The following ZNF207 variants were observed in gnomAD, a reference collection of about 807,000 sequenced individuals.
ZNF207 encodes the protein BUB3-interacting and GLEBS motif-containing protein ZNF207.
ZNF207 carries 24 observed loss-of-function variants against 60.2 expected under a neutral mutation model. The ratio of observed to expected loss-of-function variants is 0.40; its 90% confidence interval spans 0.29 to 0.56. The LOEUF is 0.56. Ranked by LOEUF, ZNF207 falls within the 20% of genes least tolerant of loss-of-function variation. The pLI is 0.49. For missense variants in ZNF207, 452 were observed against 636.6 expected (o/e 0.71, Z 3.12); for synonymous variants, 236 against 194.7 (o/e 1.21, Z -1.77).
At chr17:32,367,549 A>G (rs1905261545) in intron 9 of ZNF207, among the ~76,000 whole-genome samples, 1 of 151,886 alleles carries the variant, frequency 6.6e-6, no homozygotes, top group South Asian at 2.1e-4. Context: ...ATGCAGTCTT[A>G]TTTCCACTGC....
At chr17:32,359,536 C>T (rs1567817649) in intron 3 of ZNF207, among the ~76,000 whole-genome samples, 1 of 152,114 alleles carries the variant, frequency 6.6e-6, no homozygotes, top group African/African-American at 2.4e-5. Context: ...GTGTGAGCCA[C>T]CATCTCTCTC....
chr17:32,350,387 C>G lies in ZNF207; in HGVS notation c.41+61C>G. On this transcript the variant is annotated intron_variant, in intron 1 of 11. Transcript: ENST00000394670. ...GGGTGCCGGTTGTTGGGGCCTGGGA[C>G]TAGGAGGCCTGGATTTGGCTTACGG... 3.1e-6 allele frequency: 5 copies of G among 1,605,438 alleles called. No homozygotes were observed. The Middle Eastern group carries it at 5.6e-4, about 179-fold the overall frequency.
chr17:32,358,455 AATT>A, intron 2 of ZNF207, 45 bp from the exon 3 acceptor site: 1 of 1,502,090 alleles, frequency 6.7e-7, no homozygotes, highest in Non-Finnish European at 8.9e-7. Context: ...ATTAACTTGG[AATT>A]ATTCTTAAAA....
intron 9 of ZNF207, among the ~76,000 whole-genome samples, chr17:32,367,273 A>ATGTG (rs1567825023): frequency 1.1e-4 from 11 of 103,024 alleles, no homozygotes; most frequent in Non-Finnish European, 1.4e-4. Context: ...ATATATATAT[A>ATGTG]TATATATATA....
At position 32,367,866 on chromosome 17, in the gene ZNF207, C is replaced by T. The variant is rs1165917982; in HGVS notation, c.1016C>T (p.Pro339Leu). 6.2e-7 allele frequency: 1 copy of T among 1,614,160 alleles called. No homozygotes were observed. The stretch of plus-strand genomic sequence containing the variant: ...ACAGAACCCCCAAAGCCTACATTCC[C>T]TGCTTATACACAGTCTACAGCTTCA... ...TTTEPPKPTF[P>L]AYTQSTASTT... is the part of the protein sequence containing the mutation. The change falls in exon 10 of 12, where the codon CCT becomes CTT. Residue 339 changes from proline (P) to leucine (L), a missense_variant. By Grantham distance (98) the Pro-to-Leu change is moderately conservative. Transcript: ENST00000394670.
chr17:32,357,153 G>A (rs1295818099), intron 2 of ZNF207, among the ~76,000 whole-genome samples: 1 of 149,702 alleles, frequency 6.7e-6, no homozygotes, highest in East Asian at 1.9e-4. Flanking sequence ...CTGTACTCCT[G>A]CTTGGGTGGC....
rs907852230 is a variant in ZNF207, at chr17:32,376,670, A to G, written c.*6911A>G. The G allele has an allele frequency of 1.8e-4, 27 of 152,096 alleles. No homozygotes were observed. Among genetic ancestry groups the G allele is most frequent in the African/African-American group, 6.3e-4 (26 of 41,450 alleles). 9.4% of individuals were successfully genotyped at this position (152,096 alleles called of 1,614,324 possible). On this transcript the variant is annotated 3_prime_UTR_variant, in exon 12 of 12. Transcript: ENST00000394670. Reference sequence around the variant, plus strand: ...TTTGAAGCAAATTGAACACTATTATAAATCTAGACTGGCTAATTAGATGGA... The same window carrying G: ...TTTGAAGCAAATTGAACACTATTATGAATCTAGACTGGCTAATTAGATGGA...
At chr17:32,363,014 G>A in intron 7 of ZNF207, 30 bp downstream of exon 7, 1 of 1,591,702 alleles carries the variant, frequency 6.3e-7, no homozygotes, top group Non-Finnish European at 8.6e-7. Context: ...ATTTTAATAT[G>A]ATGTACAGGC....
chr17:32,354,270 G>T (rs1247490381), intron 2 of ZNF207, among the ~76,000 whole-genome samples: 1 of 152,136 alleles, frequency 6.6e-6, no homozygotes, highest in Non-Finnish European at 1.5e-5. Context: ...GTGAGCCACT[G>T]AGCCCGGCCA....
In ZNF207 at chr17:32,381,394, T is replaced by C. The variant is rs1479630211; in HGVS notation, c.*11635T>C. The C allele has an allele frequency of 6.6e-6, 1 of 152,192 alleles. No homozygotes were observed. Among genetic ancestry groups the C allele is most frequent in the Admixed American group, 6.5e-5 (1 of 15,282 alleles). The allele number at this position is 152,192 out of a possible 1,614,324, so 9.4% of individuals were successfully genotyped here. Reference sequence around the variant, plus strand: ...TGTAAGTAAATGAGCTCACTAAGGGTAATTAAATACTAGCTTTTAAAATTT... The same window carrying C: ...TGTAAGTAAATGAGCTCACTAAGGGCAATTAAATACTAGCTTTTAAAATTT... On this transcript the variant is annotated 3_prime_UTR_variant, in exon 12 of 12. Coordinates refer to ENST00000394670, the MANE Select transcript of ZNF207 (RefSeq NM_001098507.2).
rs150753560 is a variant in ZNF207, at chr17:32,368,897, C to T, written c.1165-398C>T. On this transcript the variant is annotated intron_variant, in intron 10 of 11. Transcript: ENST00000394670. ...GTGCATGCCTGTAATCCCAGCTACT[C>T]CGGAGGCTGAGGCAGGAGAATTTCT... The T allele has an allele frequency of 5.8e-3, 945 of 164,072 alleles. 4 individuals carry two copies. Among genetic ancestry groups the T allele is most frequent in the Non-Finnish European group, 9.1e-3 (687 of 75,628 alleles). The allele number at this position is 164,072 out of a possible 1,614,324, so 10.2% of individuals were successfully genotyped here. A position where few individuals can be genotyped will look rare whatever the true frequency, so the allele number is the denominator to read the frequency against.
Position 32,367,935 on chromosome 17 carries a change from C to T in ZNF207, c.1085C>T (p.Ser362Leu), listed in dbSNP as rs1472757428. Reference protein sequence around the residue: ...TNSTAAKPAASITSKPATLTT... With the variant: ...TNSTAAKPAALITSKPATLTT... ...AGTACTGCAGCTAAACCAGCGGCTT[C>T]AATAACAAGTAAGCCTGCTACACTT... The change falls in exon 10 of 12, where the codon TCA (serine) becomes TTA (leucine). Residue 362 changes from serine to leucine, a missense_variant. Physicochemically the swap from Ser to Leu is moderately radical, Grantham distance 145 (BLOSUM62 -2). This residue lies in a region of ZNF207 where 390 missense variants were observed against 461.4 expected (regional missense o/e 0.85). Coordinates refer to ENST00000394670, the MANE Select transcript of ZNF207 (RefSeq NM_001098507.2). 9 of 1,614,148 alleles carry T rather than the reference C, an allele frequency of 5.6e-6. No individual in the cohort carries two copies. Among genetic ancestry groups the T allele is most frequent in the Non-Finnish European group, 7.6e-6 (9 of 1,180,026 alleles).
rs1309738820 is a variant in ZNF207, at chr17:32,351,600, G to A, written c.42-186G>A. 4 of 1,536,768 alleles carry A rather than the reference G, an allele frequency of 2.6e-6. No homozygotes were observed. In the African/African-American group the frequency reaches 4.1e-5, roughly 16 times the overall value. On this transcript the variant is annotated intron_variant, in intron 1 of 11. Transcript: ENST00000394670. ...GTGGTGAAGAGAGCTGGCCTTCTAG[G>A]AAATTGAAAATACTGAAATAACATG...
At chr17:32,362,840 C>A in intron 6 of ZNF207, 74 bp from the exon 7 acceptor site, 1 of 1,364,452 alleles carries the variant, frequency 7.3e-7, no homozygotes, top group Non-Finnish European at 1.0e-6. Flanking sequence ...TTGTTTCAGG[C>A]TTTAGCCAGA....
Position 32,351,903 on chromosome 17 carries a change from T to C in ZNF207, c.159T>C (p.His53=), listed in dbSNP as rs1282605161. The C allele has an allele frequency of 1.9e-6, 3 of 1,559,578 alleles. No homozygotes were observed. The highest frequency in any genetic ancestry group is 2.6e-6 in the Non-Finnish European group (3 of 1,151,156). ...KLYTGPGLAI[H]CMQVHKETID... The stretch of plus-strand genomic sequence containing the variant: ...ATACAGGACCTGGCTTAGCTATTCA[T>C]TGCATGCAGGTAAGGATTTTTCTTC... Residue 53 remains histidine (H), a synonymous_variant, in exon 2 of 12, where the codon CAT becomes CAC. Coordinates refer to ENST00000394670, the MANE Select transcript of ZNF207 (RefSeq NM_001098507.2).
chr17:32,353,536 C>CT (rs1904319778), intron 2 of ZNF207, among the ~76,000 whole-genome samples: 1 of 152,066 alleles, frequency 6.6e-6, no homozygotes, highest in Admixed American at 6.6e-5. Flanking sequence ...AATCCCAGCA[C>CT]TTTGGGAGGC....
intron 3 of ZNF207, 34 bp downstream of exon 3, chr17:32,358,675 TATTTTTTTTA>T: frequency 1.5e-6 from 2 of 1,375,170 alleles, no homozygotes; most frequent in South Asian, 4.3e-5. Context: ...TTTATTTATT[TATTTTTTTTA>T]ATTTTTTTTT....
At chr17:32,358,434 A>G (rs1254368962) in intron 2 of ZNF207, 69 bp from the exon 3 acceptor site, 4 of 1,439,416 alleles carry the variant, frequency 2.8e-6, no homozygotes, top group African/African-American at 1.5e-5. Context: ...CTTTATACTA[A>G]GCAGTCTTTG....
At chr17:32,360,135 C>T (rs974277574) in intron 3 of ZNF207, among the ~76,000 whole-genome samples, 8 of 143,436 alleles carry the variant, frequency 5.6e-5, no homozygotes, top group African/African-American at 1.8e-4. Context: ...TAGCTGAGGC[C>T]GTAGGATCAC....
Sources: gnomAD v4.1 joint callset for allele counts (sites outside exome capture counted in the v4.1 genomes callset) on GRCh38, gnomAD v4.1.1 for gene constraint, gnomAD v4.1.1 regional missense constraint, MANE v1.5 for transcripts, NCBI Gene and HGNC (gene_info 2026-07-23, HGNC 2026-07-21) for gene names.